MRPL14: variants seen among roughly 807,000 people sequenced by gnomAD.
MRPL14 encodes mitochondrial ribosomal protein L14.
In MRPL14, 8 loss-of-function variants were observed where a neutral mutation model predicts 10.9. The observed-to-expected ratio is 0.74, with a 90% CI of 0.43 to 1.33. The LOEUF (loss-of-function observed/expected upper bound fraction) is 1.33, where lower values mean the gene tolerates loss of function less well. Among genes scored for constraint, MRPL14 ranks in the 40% most tolerant of loss-of-function variants. The pLI is 0.01. For missense variants in MRPL14, 179 were observed against 194.5 expected (o/e 0.92, Z 0.47); for synonymous variants, 82 against 74.1 (o/e 1.11, Z -0.54).
intron 2 of MRPL14, among the ~76,000 whole-genome samples, 169 bp downstream of exon 2, chr6:44,116,372 C>T (rs894329403): frequency 6.6e-6 from 1 of 152,180 alleles, no homozygotes; most frequent in African/African-American, 2.4e-5. Flanking sequence ...ACCTATCCCC[C>T]ATCCTGTGAC....
chr6:44,116,286 T>C (rs1229940540), intron 2 of MRPL14, among the ~76,000 whole-genome samples: 1 of 152,240 alleles, frequency 6.6e-6, no homozygotes, highest in Non-Finnish European at 1.5e-5. Context: ...TGTAAGAGTC[T>C]TGCAAGGACT....
chr6:44,124,304 G>C (rs1776726225), intron 1 of MRPL14, among the ~76,000 whole-genome samples: 1 of 152,220 alleles, frequency 6.6e-6, no homozygotes, highest in South Asian at 2.1e-4. Context: ...GGAATCACCT[G>C]TCTGGGTCTC....
At chr6:44,114,348 G>A in intron 2 of MRPL14, 139 bp from the exon 3 acceptor site, 1 of 1,001,434 alleles carries the variant, frequency 1.0e-6, no homozygotes, top group South Asian at 1.8e-5. Flanking sequence ...AGCAGCAACA[G>A]AAAGTCAGGA....
At chr6:44,124,189 T>G (rs1165401182) in intron 1 of MRPL14, among the ~76,000 whole-genome samples, 1 of 151,800 alleles carries the variant, frequency 6.6e-6, no homozygotes, top group East Asian at 1.9e-4. Flanking sequence ...GGCAGGAGAG[T>G]AGTGTGAAAA....
At chr6:44,117,752 C>A (rs1775988228) in intron 1 of MRPL14, among the ~76,000 whole-genome samples, 1 of 151,886 alleles carries the variant, frequency 6.6e-6, no homozygotes, top group Non-Finnish European at 1.5e-5. Flanking sequence ...CAGTCCCGAA[C>A]TCCCCAAGCT....
chr6:44,126,021 G>A (rs537007598), intron 1 of MRPL14, among the ~76,000 whole-genome samples: 1 of 152,212 alleles, frequency 6.6e-6, no homozygotes, highest in Non-Finnish European at 1.5e-5. Flanking sequence ...ACTGTCTTTC[G>A]TCTCACACAG....
At chr6:44,116,652 A>G (rs760502785) in intron 1 of MRPL14, 23 bp from the exon 2 acceptor site, 14 of 1,589,532 alleles carry the variant, frequency 8.8e-6, no homozygotes, top group Admixed American at 8.4e-5. Flanking sequence ...CGAGAGGGGG[A>G]AAAATTGGTT....
chr6:44,126,212 T>C (rs1777021639), intron 1 of MRPL14, among the ~76,000 whole-genome samples: 1 of 152,164 alleles, frequency 6.6e-6, no homozygotes, highest in South Asian at 2.1e-4. Flanking sequence ...AAACACACTG[T>C]AGAACACCTC....
intron 1 of MRPL14, chr6:44,126,890 T>G (rs1466640184): frequency 1.3e-5 from 2 of 151,684 alleles, no homozygotes; most frequent in Non-Finnish European, 2.9e-5. Context: ...GTTGACAGAG[T>G]GAAAGCAAAA....
chr6:44,119,762 G>A (rs757911687), intron 1 of MRPL14, among the ~76,000 whole-genome samples: 7 of 152,156 alleles, frequency 4.6e-5, no homozygotes, highest in Non-Finnish European at 1.0e-4. Context: ...GGTCCAGGCT[G>A]CAGTTAACTC....
chr6:44,122,141 G>A (rs911723583), intron 1 of MRPL14, among the ~76,000 whole-genome samples: 5 of 151,342 alleles, frequency 3.3e-5, no homozygotes, highest in African/African-American at 1.2e-4. Context: ...GGAGTACAGT[G>A]ACGCCATCTC....
At chr6:44,114,329 C>T (rs1217311112) in intron 2 of MRPL14, 120 bp from the exon 3 acceptor site, 5 of 1,215,664 alleles carry the variant, frequency 4.1e-6, no homozygotes, top group South Asian at 1.6e-5. Context: ...GAGCAGAGTG[C>T]TGTCCAGGAG....
At chr6:44,123,040 C>A (rs1244597222) in intron 1 of MRPL14, among the ~76,000 whole-genome samples, 9 of 152,196 alleles carry the variant, frequency 5.9e-5, no homozygotes, top group Non-Finnish European at 8.8e-5. Context: ...ACAATAGCCA[C>A]AATAGCATGT....
intron 1 of MRPL14, among the ~76,000 whole-genome samples, chr6:44,118,612 C>T (rs931244063): frequency 6.6e-6 from 1 of 152,180 alleles, no homozygotes; most frequent in Admixed American, 6.5e-5. Flanking sequence ...TTTATGAACA[C>T]TTATCAAATG....
chr6:44,118,517 C>T (rs1776086012), intron 1 of MRPL14, among the ~76,000 whole-genome samples: 1 of 152,236 alleles, frequency 6.6e-6, no homozygotes, highest in Admixed American at 6.5e-5. Flanking sequence ...TGCAGCCTTG[C>T]TCTGCTATAC....
At chr6:44,122,618 T>C (rs57020072) in intron 1 of MRPL14, among the ~76,000 whole-genome samples, 12,500 of 152,194 alleles carry the variant, frequency 0.082, 557 homozygotes, top group Middle Eastern at 0.12. Flanking sequence ...GGCCTCTAAG[T>C]AGTACTTAGA....
chr6:44,125,879 G>A (rs1776964644), intron 1 of MRPL14, among the ~76,000 whole-genome samples: 2 of 151,994 alleles, frequency 1.3e-5, no homozygotes, highest in South Asian at 4.1e-4. Context: ...TACCAAAAAC[G>A]GGCTTCATCT....
intron 1 of MRPL14, among the ~76,000 whole-genome samples, chr6:44,125,745 A>C (rs530901779): frequency 6.6e-6 from 1 of 151,592 alleles, no homozygotes; most frequent in African/African-American, 2.4e-5. Flanking sequence ...TCCATTTTTC[A>C]GATATCCATT....
intron 2 of MRPL14, among the ~76,000 whole-genome samples, chr6:44,114,807 C>T (rs572972887): frequency 6.6e-6 from 1 of 152,264 alleles, no homozygotes; most frequent in Admixed American, 6.5e-5. Context: ...GACAGGGTTT[C>T]ACCGTGTTAG....
Sources: gnomAD v4.1 joint callset for allele counts (sites outside exome capture counted in the v4.1 genomes callset) on GRCh38, gnomAD v4.1.1 for gene constraint, MANE v1.5 for transcripts, NCBI Gene and HGNC (gene_info 2026-07-23, HGNC 2026-07-21) for gene names.